The following PRTN3 variants were observed in gnomAD, a reference collection of about 807,000 sequenced individuals.
PRTN3 encodes myeloblastin.
A neutral mutation model predicts 20.7 loss-of-function variants in PRTN3; 22 were observed. The ratio of observed to expected loss-of-function variants is 1.06; its 90% CI spans 0.76 to 1.52. The LOEUF (loss-of-function observed/expected upper bound fraction) is 1.52, where lower values mean the gene tolerates loss of function less well. Ranked by LOEUF, PRTN3 falls within the 40% of genes most tolerant of loss-of-function variation. The pLI, the probability that PRTN3 is intolerant of heterozygous loss-of-function variation, is 0.00. For missense variants in PRTN3, 378 were observed against 359.6 expected (o/e 1.05, Z -0.41); for synonymous variants, 173 against 152.9 (o/e 1.13, Z -0.97).
At chr19:846,826 T>A (rs905003620) in intron 4 of PRTN3, among the ~76,000 whole-genome samples, 1 of 152,038 alleles carries the variant, frequency 6.6e-6, no homozygotes, top group African/African-American at 2.4e-5. Flanking sequence ...CACTGCAACC[T>A]CCACCTCCCA....
intron 3 of PRTN3, 62 bp from the exon 4 acceptor site, chr19:846,085 C>A (rs982719487): frequency 7.8e-7 from 1 of 1,283,122 alleles, no homozygotes; most frequent in Non-Finnish European, 1.0e-6. Context: ...GGTGGGAGGG[C>A]GGCCCGGGCG....
rs1436924661 is a variant in PRTN3 at position 843,778 on chromosome 19, C to T, written c.228-115C>T. 8 of 1,453,914 alleles carry T rather than the reference C, an allele frequency of 5.5e-6. No homozygotes were observed. The East Asian group carries it at 1.3e-4, about 23-fold the overall frequency. 90.1% of individuals were successfully genotyped at this position (1,453,914 alleles called of 1,614,324 possible). On this transcript the variant is annotated intron_variant, in intron 2 of 4. Coordinates refer to ENST00000234347, the MANE Select transcript of PRTN3 (RefSeq NM_002777.4). The stretch of plus-strand genomic sequence containing the variant: ...GCGTGGGCAGTTCTGGGGGGAGGCC[C>T]GGGGCAGGGTCGCCGAGGGAGGGGT...
intron 1 of PRTN3, among the ~76,000 whole-genome samples, chr19:842,706 A>G (rs1483514122): frequency 3.5e-5 from 5 of 144,044 alleles, no homozygotes; most frequent in African/African-American, 1.3e-4. Context: ...TCCTGCGTCA[A>G]CCTCCGGAGT....
chr19:841,714 A>ATTTTCT (rs1446520390), intron 1 of PRTN3, among the ~76,000 whole-genome samples: 1 of 146,710 alleles, frequency 6.8e-6, no homozygotes, highest in Non-Finnish European at 1.5e-5. Flanking sequence ...CCTGAGGGTG[A>ATTTTCT]TTTTCTTTTT....
rs776292221 is a variant in PRTN3, at chr19:846,278, C to G, written c.501C>G (p.Ala167=). Residue 167 remains alanine, a synonymous_variant, in exon 4 of 5, where the codon GCC becomes GCG. Transcript: ENST00000234347. ...GCGTGGGTGCCCACGACCCCCCAGC[C>G]CAGGTCCTGCAGGAGCTCAATGTCA... ...WGRVGAHDPP[A]QVLQELNVTV... is the part of the protein sequence containing the mutation. 2.5e-5 allele frequency: 40 copies of G among 1,587,828 alleles called. No individual in the cohort carries two copies. The highest frequency in any genetic ancestry group is 3.4e-5 in the Non-Finnish European group (40 of 1,167,928).
In PRTN3 at chr19:844,021, T is replaced by C. The variant is rs1364079045; in HGVS notation, c.356T>C (p.Val119Ala). Residue 119 changes from valine to alanine, a missense_variant, in exon 3 of 5, where the codon GTT becomes GCT. Physicochemically the swap from Val to Ala is moderately conservative, Grantham distance 64. Coordinates refer to ENST00000234347, the MANE Select transcript of PRTN3 (RefSeq NM_002777.4). ...GACGCGGAGAACAAACTGAACGACG[T>C]TCTCCTCATCCAGGTGGGCGGGCAG... ...NYDAENKLND[V>A]LLIQLSSPAN... 6.2e-7 allele frequency: 1 copy of C among 1,604,316 alleles called. No homozygotes were observed. The highest frequency in any genetic ancestry group is 1.7e-5 in the Admixed American group (1 of 58,838).
At chr19:843,290 C>T (rs1438796330) in intron 1 of PRTN3, 171 bp from the exon 2 acceptor site, 4 of 645,156 alleles carry the variant, frequency 6.2e-6, no homozygotes, top group African/African-American at 1.9e-5. Context: ...TGGAAATCGT[C>T]GTAATTATAA....
In PRTN3 at chr19:843,999, G is replaced by A. The variant is rs1422275307; in HGVS notation, c.334G>A (p.Ala112Thr). The change falls in exon 3 of 5, where the codon GCG becomes ACG. Residue 112 changes from alanine to threonine, a missense_variant. Coordinates refer to ENST00000234347, the MANE Select transcript of PRTN3 (RefSeq NM_002777.4). ...TCAGGTGTTTCTGAACAACTACGACGCGGAGAACAAACTGAACGACGTTCT... is the reference window on the plus strand; with the variant it reads ...TCAGGTGTTTCTGAACAACTACGACACGGAGAACAAACTGAACGACGTTCT... ...VAQVFLNNYD[A>T]ENKLNDVLLI... The A allele has an allele frequency of 1.2e-6, 2 of 1,607,192 alleles. No homozygotes were observed. Among genetic ancestry groups the A allele is most frequent in the Non-Finnish European group, 1.7e-6 (2 of 1,177,282 alleles).
At chr19:846,417 T>A in intron 4 of PRTN3, 40 bp downstream of exon 4, 1 of 1,534,662 alleles carries the variant, frequency 6.5e-7, no homozygotes, top group Non-Finnish European at 8.8e-7. Context: ...CGGGCTGCCA[T>A]GAGGGGAGGA....
At chr19:841,556 GTGAATGAGTGAA>G (rs1177406744) in intron 1 of PRTN3, among the ~76,000 whole-genome samples, 2 of 49,130 alleles carry the variant, frequency 4.1e-5, no homozygotes, top group Non-Finnish European at 8.3e-5. Flanking sequence ...GAATGAATGA[GTGAATGAGTGAA>G]TGAATGAGTG....
intron 2 of PRTN3, 71 bp from the exon 3 acceptor site, chr19:843,822 C>A: frequency 6.6e-7 from 1 of 1,506,570 alleles, no homozygotes; most frequent in South Asian, 1.3e-5. Flanking sequence ...GCACCGCGGC[C>A]TCGGGAAGGG....
At chr19:844,997 G>T (rs2035498486) in intron 3 of PRTN3, among the ~76,000 whole-genome samples, 1 of 146,940 alleles carries the variant, frequency 6.8e-6, no homozygotes, top group African/African-American at 2.5e-5. Context: ...ATCCAGGCTG[G>T]AGTGCAGTGG....
chr19:841,556 G>C (rs867308691), intron 1 of PRTN3, among the ~76,000 whole-genome samples: 6 of 49,130 alleles, frequency 1.2e-4, no homozygotes, highest in Non-Finnish European at 2.5e-4. Context: ...GAATGAATGA[G>C]TGAATGAGTG....
rs746928376 is a variant in PRTN3 at position 841,043 on chromosome 19, C to T, written c.35C>T (p.Ser12Phe). The change falls in exon 1 of 5, where the codon TCC becomes TTC. Residue 12 changes from serine (S) to phenylalanine (F), a missense_variant. Physicochemically the swap from Ser to Phe is radical, Grantham distance 155. Coordinates refer to ENST00000234347, the MANE Select transcript of PRTN3 (RefSeq NM_002777.4). Reference protein sequence around the residue: ...AHRPPSPALASVLLALLLSGA... With the variant: ...AHRPPSPALAFVLLALLLSGA... ...CGGCCCCCCAGCCCTGCCCTGGCGT[C>T]CGTGCTGCTGGCCTTGCTGCTGAGC... is the stretch of plus-strand genomic sequence containing the variant. 1.9e-6 allele frequency: 3 copies of T among 1,608,106 alleles called. No homozygotes were observed. In the Admixed American group the frequency reaches 5.0e-5, roughly 27 times the overall value.
intron 3 of PRTN3, among the ~76,000 whole-genome samples, chr19:844,370 T>TCTCCCCTGCGC (rs2035489947): frequency 3.2e-5 from 1 of 31,682 alleles, no homozygotes; most frequent in African/African-American, 1.7e-4. Flanking sequence ...CTCCCCTGCA[T>TCTCCCCTGCGC]GCCTCTCCCT....
chr19:846,087 G>A, intron 3 of PRTN3, 60 bp from the exon 4 acceptor site: 3 of 1,316,732 alleles, frequency 2.3e-6, no homozygotes, highest in South Asian at 1.7e-5. Flanking sequence ...TGGGAGGGCG[G>A]CCCGGGCGGC....
intron 4 of PRTN3, among the ~76,000 whole-genome samples, chr19:847,256 A>C (rs1056498195): frequency 1.3e-4 from 20 of 151,968 alleles, no homozygotes; most frequent in African/African-American, 4.8e-4. Context: ...GCAGTGAGCT[A>C]TGATTGTGCC....
In PRTN3 at chr19:843,887, C is replaced by T. The variant is rs1175859054; in HGVS notation, c.228-6C>T. ...GCGCCGAGGAGTGACCACCCCACCC[C>T]CGCAGACCCCAGCGCCTGGTGAACG... On this transcript the variant is annotated splice_region_variant and splice_polypyrimidine_tract_variant and intron_variant, in intron 2 of 4. Coordinates refer to ENST00000234347, the MANE Select transcript of PRTN3 (RefSeq NM_002777.4). 1 of 1,584,504 alleles carries T rather than the reference C, an allele frequency of 6.3e-7. No homozygotes were observed. Among genetic ancestry groups the T allele is most frequent in the Non-Finnish European group, 8.6e-7 (1 of 1,166,876 alleles).
chr19:843,991 A>G lies in PRTN3; in HGVS notation c.326A>G (p.Asn109Ser), dbSNP rs780883247. The G allele has an allele frequency of 2.9e-5, 46 of 1,606,614 alleles. No homozygotes were observed. In the South Asian group the frequency reaches 3.0e-4, roughly 11 times the overall value. Reference sequence around the variant, plus strand: ...TCGGTGGCTCAGGTGTTTCTGAACAACTACGACGCGGAGAACAAACTGAAC... The same window carrying G: ...TCGGTGGCTCAGGTGTTTCTGAACAGCTACGACGCGGAGAACAAACTGAAC... Reference protein sequence around the residue: ...HFSVAQVFLNNYDAENKLNDV... With the variant: ...HFSVAQVFLNSYDAENKLNDV... The change falls in exon 3 of 5, where the codon AAC becomes AGC. Residue 109 changes from asparagine to serine, a missense_variant. Transcript: ENST00000234347.
Sources: gnomAD v4.1 joint callset for allele counts (sites outside exome capture counted in the v4.1 genomes callset) on GRCh38, gnomAD v4.1.1 for gene constraint, MANE v1.5 for transcripts, NCBI Gene and HGNC (gene_info 2026-07-23, HGNC 2026-07-21) for gene names.